Variants in FHIT observed in about 807,000 individuals in gnomAD.
The protein encoded by FHIT is bis(5'-adenosyl)-triphosphatase.
FHIT carries 19 observed loss-of-function variants against 17.9 expected under a neutral mutation model. The ratio of observed to expected loss-of-function variants is 1.06; its 90% CI spans 0.74 to 1.56. The LOEUF is 1.56. Among genes scored for constraint, FHIT ranks in the 40% most tolerant of loss-of-function variants. The pLI is 0.00. For synonymous variants in FHIT, 81 were observed against 69.7 expected (o/e 1.16, Z -0.81); for missense variants, 248 against 189.2 (o/e 1.31, Z -1.82).
chr3:60,556,771 G>A (rs992854599), intron 4 of FHIT, among the ~76,000 whole-genome samples: 2 of 152,244 alleles, frequency 1.3e-5, no homozygotes, highest in Non-Finnish European at 2.9e-5. Context: ...CATCACCTAG[G>A]TGTGTAACGC....
At chr3:60,062,705 G>C (rs1304176970) in intron 5 of FHIT, among the ~76,000 whole-genome samples, 1 of 152,088 alleles carries the variant, frequency 6.6e-6, no homozygotes, top group Non-Finnish European at 1.5e-5. Context: ...TTTGAGAAAT[G>C]TTCTTTGTAA....
intron 3 of FHIT, among the ~76,000 whole-genome samples, chr3:60,971,603 T>C (rs534605485): frequency 3.1e-4 from 47 of 152,258 alleles, no homozygotes; most frequent in African/African-American, 1.1e-3. Context: ...TCTGATGTTT[T>C]TTCCCCCATG....
At chr3:60,167,851 T>C (rs1701245746) in intron 5 of FHIT, among the ~76,000 whole-genome samples, 2 of 152,096 alleles carry the variant, frequency 1.3e-5, no homozygotes, top group Admixed American at 1.3e-4. Context: ...GGCATCACAG[T>C]GAGACCTCAC....
chr3:60,779,960 C>A (rs1405550625), intron 4 of FHIT, among the ~76,000 whole-genome samples: 1 of 152,188 alleles, frequency 6.6e-6, no homozygotes, highest in East Asian at 1.9e-4. Context: ...ATGATTCCCA[C>A]CCCTAGGCCC....
chr3:61,238,951 T>A (rs141413054), intron 1 of FHIT, among the ~76,000 whole-genome samples: 5 of 152,164 alleles, frequency 3.3e-5, no homozygotes, highest in African/African-American at 9.7e-5. Flanking sequence ...GATGCTCTGA[T>A]CAGAACCTAG....
At chr3:60,120,844 G>A (rs57536487) in intron 5 of FHIT, among the ~76,000 whole-genome samples, 1 of 112,732 alleles carries the variant, frequency 8.9e-6, no homozygotes, top group Non-Finnish European at 2.0e-5. Context: ...TCAGCTAAGT[G>A]ATTTTTTTTT....
intron 5 of FHIT, among the ~76,000 whole-genome samples, chr3:60,480,690 C>G (rs1432235608): frequency 3.9e-5 from 6 of 152,206 alleles, no homozygotes; most frequent in African/African-American, 1.2e-4. Flanking sequence ...ATGATCTCCT[C>G]TGACTCCATG....
At chr3:60,265,129 G>C (rs1034571832) in intron 5 of FHIT, among the ~76,000 whole-genome samples, 3 of 151,730 alleles carry the variant, frequency 2.0e-5, no homozygotes, top group African/African-American at 7.3e-5. Flanking sequence ...CTACATCCCA[G>C]AGCCTTCTTG....
At chr3:61,162,661 A>G (rs566813138) in intron 2 of FHIT, among the ~76,000 whole-genome samples, 29 of 152,336 alleles carry the variant, frequency 1.9e-4, no homozygotes, top group Non-Finnish European at 2.8e-4. Context: ...CCCATTTCCC[A>G]ATTACCATAT....
rs149051852 is a variant in FHIT, at chr3:61,185,217, T to C, written c.-164+15400A>G. Reference sequence around the variant, plus strand: ...GCCGGAGCAAAGCAATTTGGCATGCTTGCAATTTGCTTTATCAGGAGAAGC... The same window carrying C: ...GCCGGAGCAAAGCAATTTGGCATGCCTGCAATTTGCTTTATCAGGAGAAGC... On this transcript the variant is annotated intron_variant, in intron 2 of 9. Coordinates refer to ENST00000492590, the MANE Select transcript of FHIT (RefSeq NM_002012.4). Among the ~76,000 whole-genome samples the C allele has an allele frequency of 3.3e-5, 5 of 152,298 alleles. No homozygotes were observed. In the East Asian group the frequency reaches 5.8e-4, roughly 18 times the overall value.
intron 4 of FHIT, among the ~76,000 whole-genome samples, chr3:60,788,687 G>A (rs1447974750): frequency 6.6e-6 from 1 of 152,054 alleles, no homozygotes. Context: ...TAGCCTAAGT[G>A]AATATTCCTA....
intron 5 of FHIT, among the ~76,000 whole-genome samples, chr3:60,252,664 G>T (rs1009475122): frequency 6.6e-6 from 1 of 152,070 alleles, no homozygotes. Context: ...ACATGGGAAA[G>T]AGCAAATAAT....
intron 7 of FHIT, among the ~76,000 whole-genome samples, chr3:59,954,562 AAAG>A (rs1251543572): frequency 6.6e-6 from 1 of 152,174 alleles, no homozygotes; most frequent in Non-Finnish European, 1.5e-5. Context: ...TCGAAACTCA[AAAG>A]AAGATGAGGC....
At chr3:61,055,976 T>C (rs1213446011) in intron 2 of FHIT, among the ~76,000 whole-genome samples, 2 of 152,256 alleles carry the variant, frequency 1.3e-5, no homozygotes, top group Non-Finnish European at 2.9e-5. Context: ...GTGTTACAAA[T>C]AATTAAACTC....
intron 5 of FHIT, among the ~76,000 whole-genome samples, chr3:60,101,298 G>A (rs1259251959): frequency 6.6e-6 from 1 of 152,216 alleles, no homozygotes; most frequent in African/African-American, 2.4e-5. Flanking sequence ...AGATGGCCAT[G>A]TCCACCTCGG....
At chr3:61,102,513 C>T (rs973441683) in intron 2 of FHIT, among the ~76,000 whole-genome samples, 6 of 152,212 alleles carry the variant, frequency 3.9e-5, no homozygotes, top group East Asian at 1.9e-4. Flanking sequence ...GTCTAAAATT[C>T]TCTTTTTTTG....
At chr3:60,370,012 C>A (rs2107051149) in intron 5 of FHIT, among the ~76,000 whole-genome samples, 1 of 152,320 alleles carries the variant, frequency 6.6e-6, no homozygotes, top group Admixed American at 6.5e-5. Flanking sequence ...TGTAACATAT[C>A]TGTATTATCC....
intron 3 of FHIT, among the ~76,000 whole-genome samples, chr3:60,929,432 G>A (rs990184532): frequency 4.6e-5 from 7 of 152,134 alleles, no homozygotes; most frequent in Non-Finnish European, 8.8e-5. Context: ...GTCCCTGTTC[G>A]CAGATGACAT....
At chr3:60,275,664 T>C (rs1707094549) in intron 5 of FHIT, among the ~76,000 whole-genome samples, 1 of 152,016 alleles carries the variant, frequency 6.6e-6, no homozygotes, top group African/African-American at 2.4e-5. Context: ...ACCAGCACAG[T>C]GGTTGGCACA....
Sources: gnomAD v4.1 joint callset for allele counts (sites outside exome capture counted in the v4.1 genomes callset) on GRCh38, gnomAD v4.1.1 for gene constraint, MANE v1.5 for transcripts, NCBI Gene and HGNC (gene_info 2026-07-23, HGNC 2026-07-21) for gene names.